ACSL5: variants seen among roughly 807,000 people sequenced by gnomAD.
The protein encoded by ACSL5 is long-chain-fatty-acid--CoA ligase 5.
In ACSL5, 50 loss-of-function variants were observed where a neutral mutation model predicts 84.9. The observed-to-expected ratio is 0.59, with a 90% CI of 0.47 to 0.75. The LOEUF is 0.75. Among genes scored for constraint, ACSL5 ranks in the 30% least tolerant of loss-of-function variants. The pLI is 0.00. For synonymous variants in ACSL5, 280 were observed against 300.7 expected, an observed-to-expected ratio of 0.93 and a Z score of 0.71; for missense variants, 775 against 830.4, an observed-to-expected ratio of 0.93 and a Z score of 0.82.
At chr10:112,376,642 A>G (rs986820053) in intron 1 of ACSL5, among the ~76,000 whole-genome samples, 5 of 152,012 alleles carry the variant, frequency 3.3e-5, no homozygotes, top group Admixed American at 1.3e-4. Context: ...AGGAGGAGCA[A>G]CGGGAAGGAA....
At chr10:112,423,752 G>A (rs1342667517) in intron 17 of ACSL5, among the ~76,000 whole-genome samples, 1 of 152,092 alleles carries the variant, frequency 6.6e-6, no homozygotes, top group Non-Finnish European at 1.5e-5. Context: ...GGAAAAATTA[G>A]GTGACTTCTC....
At chr10:112,426,662 T>C in intron 19 of ACSL5, 126 bp from the exon 20 acceptor site, 1 of 814,766 alleles carries the variant, frequency 1.2e-6, no homozygotes, top group Non-Finnish European at 2.0e-6. Flanking sequence ...TATAATGTGC[T>C]TGTGCATAGT....
intron 1 of ACSL5, among the ~76,000 whole-genome samples, chr10:112,386,973 T>A (rs1420869805): frequency 6.6e-6 from 1 of 152,122 alleles, no homozygotes; most frequent in Non-Finnish European, 1.5e-5. Context: ...CCTTAGAGGG[T>A]TTTTAGAATT....
In ACSL5 at chr10:112,427,202, T is replaced by C; in HGVS notation, c.1912-16T>C. On this transcript the variant is annotated splice_polypyrimidine_tract_variant and intron_variant, in intron 20 of 20. Coordinates refer to ENST00000354655, the MANE Select transcript of ACSL5 (RefSeq NM_203379.2). ...AATCACTAATGAGCATGGATGTGTG[T>C]GTGTTCATCTTCCAGGTCAAAGCCA... 6.2e-7 allele frequency: 1 copy of C among 1,606,332 alleles called. No homozygotes were observed. Among genetic ancestry groups the C allele is most frequent in the Non-Finnish European group, 8.5e-7 (1 of 1,176,756 alleles).
chr10:112,424,915 C>CATA (rs1844610930), intron 17 of ACSL5: 1 of 153,244 alleles, frequency 6.5e-6, no homozygotes, highest in Non-Finnish European at 1.5e-5. Flanking sequence ...AGGAGGAAAA[C>CATA]ATAACAGGGA....
chr10:112,376,309 C>T (rs773994902), intron 1 of ACSL5: 10 of 1,614,168 alleles, frequency 6.2e-6, no homozygotes, highest in Non-Finnish European at 8.5e-6. Context: ...CTTCTGCCTG[C>T]ATGGACGCTC....
chr10:112,393,190 C>T (rs1445065955), intron 1 of ACSL5, among the ~76,000 whole-genome samples: 2 of 152,148 alleles, frequency 1.3e-5, no homozygotes, highest in Non-Finnish European at 1.5e-5. Context: ...TCTCAGAATC[C>T]TGCCAGGTGG....
chr10:112,426,759 A>G, intron 19 of ACSL5, 29 bp from the exon 20 acceptor site: 1 of 1,604,182 alleles, frequency 6.2e-7, no homozygotes, highest in African/African-American at 1.3e-5. Context: ...TGAAACAGCC[A>G]TGCTTTAAGT....
At chr10:112,374,371 C>G (rs1364089322) in intron 1 of ACSL5, 102 bp downstream of exon 1, 3 of 152,060 alleles carry the variant, frequency 2.0e-5, no homozygotes, top group Non-Finnish European at 2.9e-5. Flanking sequence ...TATGCTCAAC[C>G]TAAGGCTCTT....
intron 1 of ACSL5, among the ~76,000 whole-genome samples, chr10:112,387,356 C>T (rs1433248543): frequency 5.3e-5 from 8 of 152,196 alleles, no homozygotes; most frequent in African/African-American, 7.2e-5. Flanking sequence ...ACCTGGTTCA[C>T]GTTCATAGCA....
At chr10:112,388,380 C>T (rs1849495391) in intron 1 of ACSL5, among the ~76,000 whole-genome samples, 2 of 152,174 alleles carry the variant, frequency 1.3e-5, no homozygotes, top group Non-Finnish European at 2.9e-5. Flanking sequence ...CTGTCACCAG[C>T]CACCATCCCT....
At chr10:112,376,345 C>G in intron 1 of ACSL5, 1 of 1,614,148 alleles carries the variant, frequency 6.2e-7, no homozygotes. Context: ...TCTGGAGGAA[C>G]CACGAGCGAG....
chr10:112,427,197 G>A (rs767998997), intron 20 of ACSL5, 21 bp from the exon 21 acceptor site: 12 of 1,598,346 alleles, frequency 7.5e-6, no homozygotes, highest in Non-Finnish European at 9.4e-6. Flanking sequence ...GAGCATGGAT[G>A]TGTGTGTGTT....
Position 112,411,885 on chromosome 10 carries a change from T to C in ACSL5, c.871-17T>C, listed in dbSNP as rs1160949237. The C allele has an allele frequency of 2.5e-6, 4 of 1,608,670 alleles. No homozygotes were observed. The Admixed American group carries it at 5.0e-5, about 20-fold the overall frequency. Reference sequence around the variant, plus strand: ...TTAATCTCATGTTGCCTCCTCTTACTTCCCTGGCCTACATAGCATGCTTAT... The same window carrying C: ...TTAATCTCATGTTGCCTCCTCTTACCTCCCTGGCCTACATAGCATGCTTAT... On this transcript the variant is annotated splice_polypyrimidine_tract_variant and intron_variant, in intron 10 of 20. Coordinates refer to ENST00000354655, the MANE Select transcript of ACSL5 (RefSeq NM_203379.2).
chr10:112,395,411 A>G (rs1843725066), intron 2 of ACSL5, among the ~76,000 whole-genome samples: 1 of 152,212 alleles, frequency 6.6e-6, no homozygotes, highest in African/African-American at 2.4e-5. Flanking sequence ...GGATGAGTTA[A>G]AAACAAAAAT....
chr10:112,409,886 T>C (rs1285172925), intron 7 of ACSL5, among the ~76,000 whole-genome samples: 1 of 152,198 alleles, frequency 6.6e-6, no homozygotes, highest in African/African-American at 2.4e-5. Context: ...CAAAGTTCTG[T>C]GGCCAGCTGT....
intron 12 of ACSL5, 94 bp downstream of exon 12, chr10:112,413,401 C>A: frequency 7.0e-7 from 1 of 1,425,948 alleles, no homozygotes; most frequent in African/African-American, 1.4e-5. Context: ...CTACCTCCAC[C>A]CTCTACAAGT....
chr10:112,422,213 CA>C lies in ACSL5; in HGVS notation c.1477-111del, dbSNP rs1297573371. The C allele has an allele frequency of 1.0e-5, 11 of 1,090,168 alleles. No individual in the cohort carries two copies. In the Admixed American group the frequency reaches 1.6e-4, roughly 16 times the overall value. The allele number at this position is 1,090,168 out of a possible 1,614,324, so 67.5% of individuals were successfully genotyped here. A position where few individuals can be genotyped will look rare whatever the true frequency, so the allele number is the denominator to read the frequency against. On this transcript the variant is annotated intron_variant, in intron 16 of 20. Coordinates refer to ENST00000354655, the MANE Select transcript of ACSL5 (RefSeq NM_203379.2). ...GGAGACTTAGATCTGGTGCTCTTCA[CA>C]GTGTAGTGGAAGCCATCAAATGATT...
At chr10:112,384,022 T>C (rs1011382056) in intron 1 of ACSL5, among the ~76,000 whole-genome samples, 1 of 151,902 alleles carries the variant, frequency 6.6e-6, no homozygotes, top group Non-Finnish European at 1.5e-5. Flanking sequence ...GGCGAAATCC[T>C]GTCTCTACTA....
Sources: gnomAD v4.1 joint callset for allele counts (sites outside exome capture counted in the v4.1 genomes callset) on GRCh38, gnomAD v4.1.1 for gene constraint, MANE v1.5 for transcripts, NCBI Gene and HGNC (gene_info 2026-07-23, HGNC 2026-07-21) for gene names.